The following KALRN variants were observed in gnomAD, a reference collection of about 807,000 sequenced individuals.
The protein encoded by KALRN is kalirin.
KALRN carries 70 observed loss-of-function variants against 353.7 expected under a neutral mutation model. That is an observed-to-expected ratio of 0.20 (90% confidence interval 0.16 to 0.24). The LOEUF is 0.24. Among genes scored for constraint, KALRN ranks in the 10% least tolerant of loss-of-function variants. KALRN has a pLI of 1.00. For synonymous variants in KALRN, 1,391 were observed against 1,434.8 expected, an observed-to-expected ratio of 0.97 and a Z score of 0.69; for missense variants, 2,791 against 3,756.7, an observed-to-expected ratio of 0.74 and a Z score of 6.72.
At position 124,665,485 on chromosome 3, in the gene KALRN, T is replaced by C. The variant is rs149333584; in HGVS notation, c.6346-964T>C. Among the ~76,000 whole-genome samples, 399 of 152,312 alleles carry C rather than the reference T, an allele frequency of 2.6e-3. 1 individual carries two copies. The highest frequency in any genetic ancestry group is 9.2e-3 in the African/African-American group (381 of 41,566). On this transcript the variant is annotated intron_variant, in intron 45 of 59. Transcript: ENST00000682506. Reference sequence around the variant, plus strand: ...TTATTCATGTATTTATTTATTTAGATACAGAATCTCACTCTGTTGCCCAGG... The same window carrying C: ...TTATTCATGTATTTATTTATTTAGACACAGAATCTCACTCTGTTGCCCAGG...
chr3:124,624,254 G>A (rs1408036876), intron 34 of KALRN, among the ~76,000 whole-genome samples: 4 of 152,148 alleles, frequency 2.6e-5, no homozygotes, highest in Non-Finnish European at 5.9e-5. Context: ...TGCAGTGCTT[G>A]CGTTCAAGTT....
At chr3:124,115,749 A>T (rs1024593187) in intron 1 of KALRN, among the ~76,000 whole-genome samples, 4 of 152,208 alleles carry the variant, frequency 2.6e-5, no homozygotes, top group Non-Finnish European at 5.9e-5. Flanking sequence ...AGCTAGGGGC[A>T]GCAACTAATA....
chr3:124,180,691 A>G (rs1294081253), intron 1 of KALRN, among the ~76,000 whole-genome samples: 4 of 152,092 alleles, frequency 2.6e-5, no homozygotes, highest in African/African-American at 9.7e-5. Flanking sequence ...AGTGACCCTC[A>G]CATATTAGCT....
intron 34 of KALRN, among the ~76,000 whole-genome samples, chr3:124,612,021 T>G (rs1291646754): frequency 1.3e-5 from 2 of 152,084 alleles, no homozygotes; most frequent in Non-Finnish European, 1.5e-5. Context: ...TTAGTCAGTG[T>G]TTTTTGTTTT....
chr3:124,090,162 G>A (rs1403525899), intron 1 of KALRN, among the ~76,000 whole-genome samples: 2 of 152,002 alleles, frequency 1.3e-5, no homozygotes, highest in African/African-American at 2.4e-5. Context: ...CAACATGGGG[G>A]TTCTATTGAC....
At chr3:124,156,535 T>C in intron 1 of KALRN, among the ~76,000 whole-genome samples, 1 of 152,308 alleles carries the variant, frequency 6.6e-6, no homozygotes, top group East Asian at 1.9e-4. Context: ...CTGTGTATTA[T>C]GCCCCACTTT....
chr3:124,221,549 G>T (rs1276213313), intron 1 of KALRN, among the ~76,000 whole-genome samples: 1 of 152,190 alleles, frequency 6.6e-6, no homozygotes, highest in Non-Finnish European at 1.5e-5. Context: ...AGCTTGATGG[G>T]GAGGCCAGGG....
chr3:124,589,990 A>G (rs1405974141), intron 34 of KALRN, among the ~76,000 whole-genome samples: 1 of 152,036 alleles, frequency 6.6e-6, no homozygotes, highest in Admixed American at 6.6e-5. Flanking sequence ...CCTCCCAGGG[A>G]TGTACTCTAT....
chr3:124,388,028 A>ATCTGTG (rs1560769154), intron 11 of KALRN, among the ~76,000 whole-genome samples: 6 of 152,084 alleles, frequency 3.9e-5, no homozygotes, highest in African/African-American at 1.4e-4. Flanking sequence ...ATGTACATGT[A>ATCTGTG]TATGTGTACA....
At chr3:124,694,688 G>T (rs987299349) in intron 53 of KALRN, among the ~76,000 whole-genome samples, 185 bp downstream of exon 53, 1 of 152,178 alleles carries the variant, frequency 6.6e-6, no homozygotes, top group Non-Finnish European at 1.5e-5. Flanking sequence ...TCAAGTGTTA[G>T]TCAGAGCCTC....
At chr3:124,228,983 CT>C (rs919417359) in intron 2 of KALRN, among the ~76,000 whole-genome samples, 1 of 152,204 alleles carries the variant, frequency 6.6e-6, no homozygotes, top group African/African-American at 2.4e-5. Context: ...CTGCCTCTCT[CT>C]TTTAAGGATA....
At chr3:124,697,528 A>G in intron 54 of KALRN, 65 bp from the exon 55 acceptor site, 2 of 1,486,718 alleles carry the variant, frequency 1.3e-6, no homozygotes, top group Non-Finnish European at 1.8e-6. Context: ...TAGATGACTT[A>G]TACCTTGGTG....
intron 10 of KALRN, among the ~76,000 whole-genome samples, chr3:124,369,779 A>G (rs1222922655): frequency 4.2e-5 from 6 of 142,414 alleles, no homozygotes; most frequent in Non-Finnish European, 9.1e-5. Flanking sequence ...ACCACCCCCA[A>G]TTATCCCAGC....
intron 16 of KALRN, among the ~76,000 whole-genome samples, chr3:124,432,139 G>A (rs1304723925): frequency 6.6e-6 from 1 of 152,152 alleles, no homozygotes; most frequent in Non-Finnish European, 1.5e-5. Flanking sequence ...GCCAGACATG[G>A]TGGTTCACAT....
intron 1 of KALRN, chr3:124,163,159 C>T (rs1287010137): frequency 1.3e-5 from 2 of 152,156 alleles, no homozygotes; most frequent in African/African-American, 2.4e-5. Context: ...CCTGAAAGTG[C>T]ACATTGGCTA....
At chr3:124,596,587 G>C (rs1394805285) in intron 34 of KALRN, among the ~76,000 whole-genome samples, 2 of 152,204 alleles carry the variant, frequency 1.3e-5, no homozygotes, top group African/African-American at 4.8e-5. Flanking sequence ...AATCTGGTGT[G>C]TAATTTAAAT....
At chr3:124,114,571 G>A (rs946335713) in intron 1 of KALRN, among the ~76,000 whole-genome samples, 4 of 152,212 alleles carry the variant, frequency 2.6e-5, no homozygotes, top group African/African-American at 9.6e-5. Flanking sequence ...GAACCCTGGA[G>A]CAAGCACTCT....
chr3:124,264,130 T>A (rs1169297654), intron 3 of KALRN, among the ~76,000 whole-genome samples: 1 of 150,838 alleles, frequency 6.6e-6, no homozygotes, highest in Non-Finnish European at 1.5e-5. Flanking sequence ...AATCCGAAAA[T>A]CCAAACTCCG....
intron 34 of KALRN, among the ~76,000 whole-genome samples, chr3:124,597,093 A>G (rs775897623): frequency 6.6e-6 from 1 of 152,138 alleles, no homozygotes; most frequent in Non-Finnish European, 1.5e-5. Flanking sequence ...AACAACAAAA[A>G]TAAGTACATA....
Sources: gnomAD v4.1 joint callset for allele counts (sites outside exome capture counted in the v4.1 genomes callset) on GRCh38, gnomAD v4.1.1 for gene constraint, MANE v1.5 for transcripts, NCBI Gene and HGNC (gene_info 2026-07-23, HGNC 2026-07-21) for gene names.